Variants in PLXND1 observed in about 807,000 individuals in gnomAD.
The protein encoded by PLXND1 is plexin-D1.
Under a neutral mutation model 197.7 loss-of-function variants are expected in PLXND1, and 54 were observed. The observed-to-expected ratio is 0.27, with a 90% CI of 0.22 to 0.34. The LOEUF (loss-of-function observed/expected upper bound fraction) is 0.34, where lower values mean the gene tolerates loss of function less well. PLXND1 is among the 10% of genes least tolerant of loss of function. The pLI, the probability that PLXND1 is intolerant of heterozygous loss-of-function variation, is 1.00. For synonymous variants in PLXND1, 1,180 were observed against 1,161.2 expected, an observed-to-expected ratio of 1.02 and a Z score of -0.33; for missense variants, 2,127 against 2,699.2, an observed-to-expected ratio of 0.79 and a Z score of 4.70.
chr3:129,589,222 A>G (rs1298347376), intron 2 of PLXND1, 129 bp downstream of exon 2: 2 of 712,022 alleles, frequency 2.8e-6, no homozygotes, highest in African/African-American at 1.8e-5. Context: ...GTAAAGTGCT[A>G]GGCGAATGGG....
rs1257586610 is a variant in PLXND1 at position 129,558,150 on chromosome 3, G to A, written c.5445+278C>T. On this transcript the variant is annotated intron_variant, in intron 33 of 35. Coordinates refer to ENST00000324093, the MANE Select transcript of PLXND1 (RefSeq NM_015103.3). The surrounding 1 kb of genome is among the most constrained non-coding windows in gnomAD (Gnocchi z 4.1). ...AAGCTCATACTGGCTTTCCCACACC[G>A]GGTTCTCAGGCCTGTGTTCAAAGCC... 6.6e-6 allele frequency among the ~76,000 whole-genome samples: 1 copy of A among 152,210 alleles called. No individual in the cohort carries two copies. Among genetic ancestry groups the A allele is most frequent in the Non-Finnish European group, 1.5e-5 (1 of 68,044 alleles).
intron 12 of PLXND1, 148 bp from the exon 13 acceptor site, chr3:129,573,893 G>A (rs1042052009): frequency 9.3e-6 from 8 of 860,402 alleles, no homozygotes; most frequent in South Asian, 3.5e-5. Context: ...GGCTGGGACT[G>A]TGGCCACTTG....
At chr3:129,563,333 C>A (rs1264110626) in intron 25 of PLXND1, 93 bp from the exon 26 acceptor site, 1 of 1,050,794 alleles carries the variant, frequency 9.5e-7, no homozygotes, top group African/African-American at 1.6e-5. Flanking sequence ...GTCCCCCAAC[C>A]CCTCCAACAG....
chr3:129,572,721 T>A lies in PLXND1; in HGVS notation c.2965A>T (p.Thr989Ser), dbSNP rs1360641621. Residue 989 changes from threonine to serine, a missense_variant, in exon 15 of 36, where the codon ACC becomes TCC. By Grantham distance (58) the Thr-to-Ser change is moderately conservative. Transcript: ENST00000324093. Reference protein sequence around the residue: ...VLPLVHSLEPTMGPKAGGTRI... With the variant: ...VLPLVHSLEPSMGPKAGGTRI... ...GTGCCCCCGGCCTTGGGGCCCATGGTAGGCTCCAGGGAGTGGACCAGGGGC... is the reference window on the plus strand; with the variant it reads ...GTGCCCCCGGCCTTGGGGCCCATGGAAGGCTCCAGGGAGTGGACCAGGGGC... 1.3e-6 allele frequency: 2 copies of A among 1,598,790 alleles called. No homozygotes were observed. The highest frequency in any genetic ancestry group is 4.5e-5 in the East Asian group (2 of 44,722).
At chr3:129,589,654 AGT>A in intron 1 of PLXND1, 127 bp from the exon 2 acceptor site, 1 of 807,860 alleles carries the variant, frequency 1.2e-6, no homozygotes, top group Non-Finnish European at 1.9e-6. Context: ...TTATATCCTC[AGT>A]GCTCAGCTGA....
chr3:129,568,398 T>C (rs186729239), intron 20 of PLXND1, among the ~76,000 whole-genome samples: 15 of 152,308 alleles, frequency 9.8e-5, no homozygotes, highest in African/African-American at 3.6e-4. Context: ...AGGGTATTAA[T>C]GATGGGTATT....
chr3:129,590,442 C>T lies in PLXND1; in HGVS notation c.1312-915G>A, dbSNP rs141769658. Among the ~76,000 whole-genome samples, 133 of 152,200 alleles carry T rather than the reference C, an allele frequency of 8.7e-4. 1 individual carries two copies. In the South Asian group the frequency reaches 0.017, roughly 19 times the overall value. The stretch of plus-strand genomic sequence containing the variant: ...CCCTGAGACAATAACTGTGCAACTC[C>T]GCAAAGACGCAGGCACAAGGGTGGT... On this transcript the variant is annotated intron_variant, in intron 1 of 35. Coordinates refer to ENST00000324093, the MANE Select transcript of PLXND1 (RefSeq NM_015103.3).
At chr3:129,570,005 T>G in intron 19 of PLXND1, 48 bp from the exon 20 acceptor site, 1 of 1,066,286 alleles carries the variant, frequency 9.4e-7, no homozygotes, top group Non-Finnish European at 1.5e-6. Flanking sequence ...GGACTTATAC[T>G]CTAGTTCTGC....
At position 129,606,551 on chromosome 3, in the gene PLXND1, G is replaced by C. The variant is rs778631621; in HGVS notation, c.89C>G (p.Pro30Arg). ...GAGCAGCAGCAACAGCAGCGGCACCGGGCACCGCGGCGGCGTCTGGAACGG... is the reference window on the plus strand; with the variant it reads ...GAGCAGCAGCAACAGCAGCGGCACCCGGCACCGCGGCGGCGTCTGGAACGG... ...PPPFQTPPRC[P>R]VPLLLLLLLG... The change falls in exon 1 of 36, where the codon CCG becomes CGG. Residue 30 changes from proline to arginine, a missense_variant. Pro to Arg is a moderately radical substitution (Grantham distance 103, BLOSUM62 -2). This residue lies in a region of PLXND1 where 245 missense variants were observed against 267.1 expected (regional missense o/e 0.92). Coordinates refer to ENST00000324093, the MANE Select transcript of PLXND1 (RefSeq NM_015103.3). 2.7e-5 allele frequency: 34 copies of C among 1,278,632 alleles called. No homozygotes were observed. The African/African-American group carries it at 3.2e-4, about 12-fold the overall frequency. The allele number at this position is 1,278,632 out of a possible 1,614,324, so 79.2% of individuals were successfully genotyped here.
intron 2 of PLXND1, 25 bp downstream of exon 2, chr3:129,589,326 T>TCCCCCCCC: frequency 4.3e-6 from 2 of 466,608 alleles, no homozygotes; most frequent in Non-Finnish European, 7.4e-6. Context: ...CCCCACCCCC[T>TCCCCCCCC]CCCCACATCC....
chr3:129,599,271 C>A (rs530487949), intron 1 of PLXND1, among the ~76,000 whole-genome samples: 1 of 152,252 alleles, frequency 6.6e-6, no homozygotes, highest in Non-Finnish European at 1.5e-5. Flanking sequence ...GGGCCCGATG[C>A]GCGTGGCCCT....
At chr3:129,595,957 C>T (rs568895064) in intron 1 of PLXND1, among the ~76,000 whole-genome samples, 4 of 67,602 alleles carry the variant, frequency 5.9e-5, no homozygotes, top group Non-Finnish European at 9.8e-5. Flanking sequence ...ACTCTTGCTG[C>T]GTACCCATTT....
In PLXND1 at chr3:129,571,938, G is replaced by A. The variant is rs1243050062; in HGVS notation, c.3078-94C>T. 1.7e-5 allele frequency: 21 copies of A among 1,250,426 alleles called. No individual in the cohort carries two copies. The East Asian group carries it at 5.1e-4, about 30-fold the overall frequency. The allele number at this position is 1,250,426 out of a possible 1,614,324, so 77.5% of individuals were successfully genotyped here. ...ACCTGGGGCACAAGTCCACGCACTT[G>A]GCCTGGGGTTCAAGGCCTCCTTGAC... On this transcript the variant is annotated intron_variant, in intron 15 of 35. Transcript: ENST00000324093.
rs750202664 is a variant in PLXND1 at position 129,606,430 on chromosome 3, G to A, written c.210C>T (p.Thr70=). The change falls in exon 1 of 36, where the codon ACC becomes ACT. Residue 70 remains threonine (T), a synonymous_variant. Transcript: ENST00000324093. ...NNFALDGAAG[T]VYLAAVNRLY... is the part of the protein sequence containing the mutation. Reference sequence around the variant, plus strand: ...GGCGGTTGACGGCCGCCAGGTACACGGTCCCCGCCGCGCCGTCCAGGGCGA... The same window carrying A: ...GGCGGTTGACGGCCGCCAGGTACACAGTCCCCGCCGCGCCGTCCAGGGCGA... The A allele has an allele frequency of 6.8e-6, 10 of 1,480,066 alleles. No individual in the cohort carries two copies. Among genetic ancestry groups the A allele is most frequent in the South Asian group, 1.3e-5 (1 of 74,550 alleles). The allele number at this position is 1,480,066 out of a possible 1,614,324, so 91.7% of individuals were successfully genotyped here.
chr3:129,572,734 G>A lies in PLXND1; in HGVS notation c.2952C>T (p.His984=), dbSNP rs760187831. The A allele has an allele frequency of 5.0e-6, 8 of 1,598,782 alleles. No homozygotes were observed. In the South Asian group the frequency reaches 9.0e-5, roughly 18 times the overall value. The part of the protein sequence containing the change: ...DRFSYVLPLV[H]SLEPTMGPKA... Reference sequence around the variant, plus strand: ...TGGGGCCCATGGTAGGCTCCAGGGAGTGGACCAGGGGCAGCTGTGGGAGGA... The same window carrying A: ...TGGGGCCCATGGTAGGCTCCAGGGAATGGACCAGGGGCAGCTGTGGGAGGA... The change falls in exon 15 of 36, where the codon CAC becomes CAT. Residue 984 remains histidine (H), a synonymous_variant. Transcript: ENST00000324093.
chr3:129,606,612 G>T lies in PLXND1; in HGVS notation c.28C>A (p.Pro10Thr). The change falls in exon 1 of 36, where the codon CCC becomes ACC. Residue 10 changes from proline to threonine, a missense_variant. By Grantham distance (38) the Pro-to-Thr change is conservative. Around this residue, in one of 6 missense-constraint regions of PLXND1, gnomAD observed 245 missense variants for 267.1 expected, o/e 0.92. Transcript: ENST00000324093. MAPRAAGGAPLSARAAAASP... is the reference protein window; with the variant it reads MAPRAAGGATLSARAAAASP... ...GCGGCGGCGGCCCGGGCGCTAAGGG[G>T]TGCGCCGCCCGCGGCGCGAGGAGCC... is the stretch of plus-strand genomic sequence containing the variant. The T allele has an allele frequency of 8.5e-7, 1 of 1,174,408 alleles. No homozygotes were observed. Among genetic ancestry groups the T allele is most frequent in the Non-Finnish European group, 1.1e-6 (1 of 951,582 alleles). The allele number at this position is 1,174,408 out of a possible 1,614,324, so 72.7% of individuals were successfully genotyped here.
At chr3:129,591,544 T>G (rs553335765) in intron 1 of PLXND1, 3 of 152,278 alleles carry the variant, frequency 2.0e-5, no homozygotes, top group Non-Finnish European at 2.9e-5. Context: ...CTGGCCCAGG[T>G]CGGAAACGGA....
intron 10 of PLXND1, 97 bp from the exon 11 acceptor site, chr3:129,575,659 G>C (rs1362719060): frequency 4.1e-6 from 5 of 1,232,274 alleles, no homozygotes; most frequent in Non-Finnish European, 5.8e-6. Flanking sequence ...GGGGCTGCTG[G>C]GGATGGGGGA....
chr3:129,592,164 A>G (rs2085552884), intron 1 of PLXND1, among the ~76,000 whole-genome samples: 2 of 150,480 alleles, frequency 1.3e-5, no homozygotes, highest in South Asian at 4.3e-4. Flanking sequence ...GACCTACCCG[A>G]CTCCATCCTG....
Sources: gnomAD v4.1 joint callset for allele counts (sites outside exome capture counted in the v4.1 genomes callset) on GRCh38, gnomAD v4.1.1 for gene constraint, gnomAD v4.1.1 regional missense constraint, Gnocchi (gnomAD v3.1) non-coding constraint, MANE v1.5 for transcripts, NCBI Gene and HGNC (gene_info 2026-07-23, HGNC 2026-07-21) for gene names.